Variants in TEKTIP1 observed in about 807,000 individuals in gnomAD.
TEKTIP1 encodes tektin bundle-interacting protein 1.
chr19:3,543,844 G>C, the TEKTIP1 span: 2 of 1,537,940 alleles, frequency 1.3e-6, no homozygotes, highest in South Asian at 2.4e-5. Context: ...AACAGGAACC[G>C]GTACGGGGTG....
chr19:3,539,231 C>A, the TEKTIP1 span: 1 of 1,550,574 alleles, frequency 6.4e-7, no homozygotes, highest in Non-Finnish European at 8.7e-7. Flanking sequence ...CGGGGACCCT[C>A]GAGGCCAGCT....
the TEKTIP1 span, chr19:3,543,516 G>C: frequency 3.3e-6 from 5 of 1,494,084 alleles, no homozygotes; most frequent in Admixed American, 8.1e-5. Flanking sequence ...GCCTGCCAGA[G>C]GGGGACAGGA....
At chr19:3,540,415 G>A in the TEKTIP1 span, among the ~76,000 whole-genome samples, 7 of 151,654 alleles carry the variant, frequency 4.6e-5, no homozygotes, top group East Asian at 7.9e-4. Context: ...GCGCTACCAT[G>A]CCCAGCTAAT....
chr19:3,542,794 C>G, the TEKTIP1 span: 1 of 1,370,024 alleles, frequency 7.3e-7, no homozygotes, highest in Non-Finnish European at 9.8e-7. Flanking sequence ...GTGGGTCCCC[C>G]AGTCTTCCCT....
chr19:3,541,124 A>C, the TEKTIP1 span, among the ~76,000 whole-genome samples: 1 of 136,770 alleles, frequency 7.3e-6, no homozygotes, highest in Non-Finnish European at 1.5e-5. Flanking sequence ...AGCCGAGATC[A>C]GGCCACTGCA....
At chr19:3,541,673 C>T in the TEKTIP1 span, 30 of 985,128 alleles carry the variant, frequency 3.0e-5, no homozygotes, top group Admixed American at 6.2e-4. Context: ...AATGGGCTCC[C>T]GCAAGTGTGT....
chr19:3,543,549 C>G, the TEKTIP1 span: 1 of 1,533,880 alleles, frequency 6.5e-7, no homozygotes, highest in Non-Finnish European at 8.8e-7. Flanking sequence ...CCCCGCCCCA[C>G]CGCAGCCTAC....
At chr19:3,540,418 C>A in the TEKTIP1 span, among the ~76,000 whole-genome samples, 2 of 151,690 alleles carry the variant, frequency 1.3e-5, no homozygotes, top group Admixed American at 6.6e-5. Context: ...CTACCATGCC[C>A]AGCTAATTTT....
the TEKTIP1 span, chr19:3,543,082 T>A: frequency 6.4e-7 from 1 of 1,574,476 alleles, no homozygotes; most frequent in Non-Finnish European, 8.6e-7. Context: ...GGGTGAGGGG[T>A]ACAGGGCTGA....
the TEKTIP1 span, among the ~76,000 whole-genome samples, chr19:3,541,388 T>C: frequency 6.7e-6 from 1 of 150,158 alleles, no homozygotes; most frequent in Non-Finnish European, 1.5e-5. Context: ...AGTGGAATGA[T>C]CTCAGCTCAC....
At chr19:3,539,187 C>G in the TEKTIP1 span, 12 of 1,550,456 alleles carry the variant, frequency 7.7e-6, no homozygotes, top group Admixed American at 2.4e-4. Context: ...CATGCAAACC[C>G]TCAGGCAAGA....
At chr19:3,539,191 G>GGC in the TEKTIP1 span, 57 of 1,550,410 alleles carry the variant, frequency 3.7e-5, no homozygotes, top group Middle Eastern at 1.7e-4. Flanking sequence ...CAAACCCTCA[G>GGC]GCAAGAGGCT....
the TEKTIP1 span, chr19:3,539,312 C>T: frequency 6.1e-6 from 7 of 1,149,100 alleles, no homozygotes; most frequent in East Asian, 2.6e-5. Flanking sequence ...TCCCTCCCTC[C>T]CTGGGTGTCA....
chr19:3,539,583 C>T, the TEKTIP1 span: 1 of 333,094 alleles, frequency 3.0e-6, no homozygotes, highest in Non-Finnish European at 5.6e-6. Flanking sequence ...CCTTCTGTGG[C>T]TGAGAGAGTC....
chr19:3,542,801 C>A, the TEKTIP1 span: 1 of 1,371,194 alleles, frequency 7.3e-7, no homozygotes, highest in Non-Finnish European at 9.8e-7. Flanking sequence ...CCCCAGTCTT[C>A]CCTGGGCCAT....
chr19:3,539,563 G>A, the TEKTIP1 span: 42 of 391,492 alleles, frequency 1.1e-4, no homozygotes, highest in Non-Finnish European at 1.5e-4. Flanking sequence ...AGGCCTGTGC[G>A]GGGCTGGGCC....
At chr19:3,540,084 CTTTT>C in the TEKTIP1 span, 2 of 132,100 alleles carry the variant, frequency 1.5e-5, no homozygotes, top group Admixed American at 1.6e-4. Context: ...AGACCCATCT[CTTTT>C]CTTTTTTTTT....
the TEKTIP1 span, chr19:3,543,482 C>CCCA: frequency 7.0e-7 from 1 of 1,434,410 alleles, no homozygotes; most frequent in Non-Finnish European, 9.3e-7. Context: ...GGGTGAGTGC[C>CCCA]CCCCCCCCCG....
the TEKTIP1 span, chr19:3,542,693 G>C: frequency 8.0e-7 from 1 of 1,247,640 alleles, no homozygotes; most frequent in South Asian, 1.3e-5. Flanking sequence ...ATGCTGGCCA[G>C]GCTGGTCTCG....
Sources: allele counts gnomAD v4.1 joint callset (sites outside exome capture counted in the v4.1 genomes callset), GRCh38; gene constraint gnomAD v4.1.1; transcripts MANE v1.5; gene names NCBI Gene and HGNC (gene_info 2026-07-23, HGNC 2026-07-21).